Variants in JPH3 observed in about 807,000 individuals in gnomAD.
JPH3 encodes the protein junctophilin 3, also known as junctophilin-3.
Under a neutral mutation model 59.6 loss-of-function variants are expected in JPH3, and 11 were observed. That is an observed-to-expected ratio of 0.18 (90% CI 0.12 to 0.31). JPH3 has a LOEUF of 0.31. Among genes scored for constraint, JPH3 ranks in the 10% least tolerant of loss-of-function variants. JPH3 has a pLI of 1.00. For missense variants in JPH3, 1,202 were observed against 1,105.7 expected (o/e 1.09, Z -1.24); for synonymous variants, 673 against 483.6 (o/e 1.39, Z -5.14).
intron 2 of JPH3, among the ~76,000 whole-genome samples, chr16:87,656,508 G>A (rs1206456536): frequency 6.6e-6 from 1 of 152,198 alleles, no homozygotes; most frequent in Non-Finnish European, 1.5e-5. Context: ...TTCATATGAG[G>A]GTGAAGGAAC....
chr16:87,681,976 C>T (rs1044374269), intron 2 of JPH3, among the ~76,000 whole-genome samples: 12 of 152,112 alleles, frequency 7.9e-5, no homozygotes, highest in African/African-American at 2.4e-4. Flanking sequence ...AAGCTGTGGA[C>T]CCTCTGCTTG....
intron 2 of JPH3, 94 bp downstream of exon 2, chr16:87,645,129 G>A (rs2032103171): frequency 1.5e-6 from 2 of 1,327,176 alleles, no homozygotes; most frequent in Admixed American, 5.0e-5. Context: ...AAGGCCTTGG[G>A]CTAGGCCCAG....
intron 1 of JPH3, among the ~76,000 whole-genome samples, chr16:87,627,727 G>C (rs1159567295): frequency 1.3e-5 from 2 of 152,162 alleles, no homozygotes; most frequent in African/African-American, 4.8e-5. Context: ...TTCTGTCTGG[G>C]GTCACGTGGC....
At chr16:87,617,744 G>A (rs770412532) in intron 1 of JPH3, among the ~76,000 whole-genome samples, 20 of 152,126 alleles carry the variant, frequency 1.3e-4, no homozygotes, top group Non-Finnish European at 2.5e-4. Flanking sequence ...GGAGCTGAGA[G>A]TCACCTGTGA....
chr16:87,621,770 G>A (rs959687449), intron 1 of JPH3, among the ~76,000 whole-genome samples: 9 of 152,206 alleles, frequency 5.9e-5, no homozygotes, highest in African/African-American at 2.2e-4. Context: ...GTTTGGGTGG[G>A]TGGTGGGGAG....
intron 1 of JPH3, among the ~76,000 whole-genome samples, chr16:87,637,695 A>T (rs551575337): frequency 6.6e-6 from 1 of 150,564 alleles, no homozygotes; most frequent in Admixed American, 6.6e-5. Context: ...ACTGGAGTCT[A>T]TGCTTGAAGG....
At chr16:87,653,774 C>T (rs530852629) in intron 2 of JPH3, 1 of 152,312 alleles carries the variant, frequency 6.6e-6, no homozygotes, top group East Asian at 1.9e-4. Flanking sequence ...TGAGGTCCTT[C>T]TGGAGTCGAG....
At position 87,697,646 on chromosome 16, in the gene JPH3, C is replaced by CAGAT. The variant is rs986801889; in HGVS notation, c.*988_*991dup. On this transcript the variant is annotated 3_prime_UTR_variant, in exon 5 of 5. Transcript: ENST00000284262. Reference sequence around the variant, plus strand: ...CTGTGCCTGCCTCAACTTCCCCTAACAGATATGCATATTCCTTCCAGATGC... The same window carrying CAGAT: ...CTGTGCCTGCCTCAACTTCCCCTAACAGATAGATATGCATATTCCTTCCAGATGC... 1.2e-4 allele frequency: 19 copies of CAGAT among 152,322 alleles called. No homozygotes were observed. Among genetic ancestry groups the CAGAT allele is most frequent in the Admixed American group, 6.5e-4 (10 of 15,284 alleles). The allele number at this position is 152,322 out of a possible 1,614,324, so 9.4% of individuals were successfully genotyped here.
At chr16:87,677,233 A>C (rs4989517) in intron 2 of JPH3, among the ~76,000 whole-genome samples, 61,124 of 135,134 alleles carry the variant, frequency 0.45, 14,650 homozygotes, top group Middle Eastern at 0.55. Context: ...CACAAAAAAA[A>C]AAATTAGCCG....
At chr16:87,693,347 G>A (rs1460416968) in intron 4 of JPH3, among the ~76,000 whole-genome samples, 2 of 152,234 alleles carry the variant, frequency 1.3e-5, no homozygotes, top group Non-Finnish European at 2.9e-5. Context: ...GCTGACTGGG[G>A]TTCAGCTTAT....
rs143108391 is a variant in JPH3, at chr16:87,688,796, C to T, written c.1286-850C>T. Among the ~76,000 whole-genome samples, 14 of 152,314 alleles carry T rather than the reference C, an allele frequency of 9.2e-5. No homozygotes were observed. In the South Asian group the frequency reaches 1.7e-3, roughly 18 times the overall value. On this transcript the variant is annotated intron_variant, in intron 3 of 4. Coordinates refer to ENST00000284262, the MANE Select transcript of JPH3 (RefSeq NM_020655.4). The stretch of plus-strand genomic sequence containing the variant: ...GTTCCCCGGAGGGTAAGAAGCGCCG[C>T]GTTCTTGGGTTTCTCCTAATGGAAT...
At chr16:87,626,542 G>A (rs1462204910) in intron 1 of JPH3, among the ~76,000 whole-genome samples, 1 of 152,232 alleles carries the variant, frequency 6.6e-6, no homozygotes, top group Non-Finnish European at 1.5e-5. Context: ...CCGAGGTGCC[G>A]GCTCATAGCT....
At chr16:87,649,887 G>A (rs1223879209) in intron 2 of JPH3, among the ~76,000 whole-genome samples, 1 of 152,224 alleles carries the variant, frequency 6.6e-6, no homozygotes, top group Non-Finnish European at 1.5e-5. Flanking sequence ...CGCAAAGCCT[G>A]CAAAAGCTCA....
intron 2 of JPH3, among the ~76,000 whole-genome samples, chr16:87,648,394 C>T (rs733717): frequency 0.027 from 4,135 of 152,154 alleles, 201 homozygotes; most frequent in Admixed American, 0.12. Flanking sequence ...TGACTGGCCC[C>T]GGGCGGGCTC....
chr16:87,652,165 T>C (rs1233229141), intron 2 of JPH3, among the ~76,000 whole-genome samples: 4 of 152,044 alleles, frequency 2.6e-5, no homozygotes, highest in Non-Finnish European at 5.9e-5. Flanking sequence ...TTAGTAGAGA[T>C]GGGGTTTCAC....
intron 1 of JPH3, among the ~76,000 whole-genome samples, chr16:87,625,757 A>G (rs1232896655): frequency 6.6e-6 from 1 of 152,166 alleles, no homozygotes; most frequent in Non-Finnish European, 1.5e-5. Flanking sequence ...ACCCAGGGCT[A>G]GCAAAGGAGA....
chr16:87,642,093 C>T (rs1275328521), intron 1 of JPH3, among the ~76,000 whole-genome samples: 1 of 152,078 alleles, frequency 6.6e-6, no homozygotes, highest in Non-Finnish European at 1.5e-5. Context: ...AGGATCAGGA[C>T]CCTTTGGGGG....
At chr16:87,685,049 G>C (rs948203625) in intron 3 of JPH3, among the ~76,000 whole-genome samples, 3 of 152,218 alleles carry the variant, frequency 2.0e-5, no homozygotes, top group Non-Finnish European at 4.4e-5. Context: ...CTGCGCGCTG[G>C]AGGTCCGCAC....
At chr16:87,661,480 G>T (rs147678743) in intron 2 of JPH3, among the ~76,000 whole-genome samples, 2,814 of 152,332 alleles carry the variant, frequency 0.018, 73 homozygotes, top group Admixed American at 0.083. Context: ...AAAGCCTCCC[G>T]CTCTGAGCAT....
Sources: gnomAD v4.1 joint callset for allele counts (sites outside exome capture counted in the v4.1 genomes callset) on GRCh38, gnomAD v4.1.1 for gene constraint, MANE v1.5 for transcripts, NCBI Gene and HGNC (gene_info 2026-07-23, HGNC 2026-07-21) for gene names.